Variants in SLC16A12 observed in about 807,000 individuals in gnomAD.
SLC16A12 encodes monocarboxylate transporter 12.
In SLC16A12, 17 loss-of-function variants were observed where a neutral mutation model predicts 42.4. The observed-to-expected ratio is 0.40, with a 90% CI of 0.27 to 0.60. The LOEUF (loss-of-function observed/expected upper bound fraction) is 0.60, where lower values mean the gene tolerates loss of function less well. Among genes scored for constraint, SLC16A12 ranks in the 20% least tolerant of loss-of-function variants. The pLI is 0.42. For synonymous variants in SLC16A12, 224 were observed against 229.4 expected, an observed-to-expected ratio of 0.98 and a Z score of 0.21; for missense variants, 544 against 623.0, an observed-to-expected ratio of 0.87 and a Z score of 1.35.
At chr10:89,448,785 G>T (rs1300277277) in intron 3 of SLC16A12, among the ~76,000 whole-genome samples, 1 of 152,148 alleles carries the variant, frequency 6.6e-6, no homozygotes, top group African/African-American at 2.4e-5. Flanking sequence ...AGAAATAAAC[G>T]TTATTCAATT....
At chr10:89,437,104 G>C (rs915117404) in intron 6 of SLC16A12, among the ~76,000 whole-genome samples, 5 of 152,164 alleles carry the variant, frequency 3.3e-5, no homozygotes, top group Non-Finnish European at 7.3e-5. Flanking sequence ...GTTATCCATT[G>C]GTATCTGGCA....
At chr10:89,548,426 A>G (rs1411406402) in intron 2 of SLC16A12, among the ~76,000 whole-genome samples, 1 of 152,166 alleles carries the variant, frequency 6.6e-6, no homozygotes, top group African/African-American at 2.4e-5. Flanking sequence ...TGCTTTGAAA[A>G]TGTTCTGTGC....
At chr10:89,510,496 A>G (rs962120661) in intron 2 of SLC16A12, among the ~76,000 whole-genome samples, 13 of 152,086 alleles carry the variant, frequency 8.5e-5, no homozygotes, top group African/African-American at 2.9e-4. Flanking sequence ...AGGATTCCCT[A>G]TTTAAATGGT....
intron 2 of SLC16A12, among the ~76,000 whole-genome samples, chr10:89,479,646 C>G (rs1177334120): frequency 6.6e-6 from 1 of 152,180 alleles, no homozygotes; most frequent in African/African-American, 2.4e-5. Flanking sequence ...CCAACTCCTA[C>G]CCCACGGAGT....
chr10:89,436,475 C>T lies in SLC16A12; in HGVS notation c.1029-156G>A, dbSNP rs566734207. On this transcript the variant is annotated intron_variant, in intron 6 of 7. Transcript: ENST00000371790. ...GCTGTCTTCCTATCTTTCTTTTTTG[C>T]AAATGCAAGAATTCATCTCTCCAGG... Among the ~76,000 whole-genome samples, 14 of 152,186 alleles carry T rather than the reference C, an allele frequency of 9.2e-5. No individual in the cohort carries two copies. In the East Asian group the frequency reaches 2.3e-3, roughly 25 times the overall value.
At chr10:89,461,990 T>C (rs1842307654) in intron 3 of SLC16A12, among the ~76,000 whole-genome samples, 1 of 152,204 alleles carries the variant, frequency 6.6e-6, no homozygotes, top group African/African-American at 2.4e-5. Flanking sequence ...CTGGAGCTGC[T>C]TATGAAAATG....
chr10:89,470,441 C>T (rs1467454556), intron 2 of SLC16A12, among the ~76,000 whole-genome samples: 6 of 152,230 alleles, frequency 3.9e-5, no homozygotes, highest in African/African-American at 1.4e-4. Flanking sequence ...GAAGACATAA[C>T]TTCAGGGGTC....
intron 7 of SLC16A12, among the ~76,000 whole-genome samples, chr10:89,435,687 C>T (rs1485888158): frequency 6.6e-6 from 1 of 152,184 alleles, no homozygotes; most frequent in Admixed American, 6.5e-5. Flanking sequence ...TAATTTCAGC[C>T]TCATCACCCA....
intron 2 of SLC16A12, among the ~76,000 whole-genome samples, chr10:89,465,153 A>G (rs1225817617): frequency 6.6e-6 from 1 of 152,240 alleles, no homozygotes; most frequent in Non-Finnish European, 1.5e-5. Flanking sequence ...CACTACAGAC[A>G]GCATCTCATT....
upstream of SLC16A12, among the ~76,000 whole-genome samples, chr10:89,540,496 TC>T (rs1295434808): frequency 1.3e-5 from 2 of 152,192 alleles, no homozygotes; most frequent in Non-Finnish European, 2.9e-5. Flanking sequence ...ATTTCCACTG[TC>T]CTTTCTTAAT....
intron 2 of SLC16A12, among the ~76,000 whole-genome samples, chr10:89,541,570 G>A (rs1843716210): frequency 6.6e-6 from 1 of 152,222 alleles, no homozygotes; most frequent in Non-Finnish European, 1.5e-5. Context: ...TTGGGCGACA[G>A]AACTAGACCC....
chr10:89,450,044 T>G (rs1291396671), intron 3 of SLC16A12, among the ~76,000 whole-genome samples: 1 of 152,018 alleles, frequency 6.6e-6, no homozygotes, highest in Non-Finnish European at 1.5e-5. Context: ...GAAATGCAAA[T>G]CAAAACCACA....
intron 3 of SLC16A12, among the ~76,000 whole-genome samples, chr10:89,461,719 T>C (rs946628930): frequency 6.6e-6 from 1 of 152,236 alleles, no homozygotes; most frequent in Non-Finnish European, 1.5e-5. Context: ...ATCATTAAGA[T>C]GACAGTTAAA....
At chr10:89,526,014 C>T (rs2133862192) in intron 2 of SLC16A12, among the ~76,000 whole-genome samples, 1 of 152,308 alleles carries the variant, frequency 6.6e-6, no homozygotes, top group African/African-American at 2.4e-5. Flanking sequence ...TCATTGTGCA[C>T]TTCAACCTGC....
At chr10:89,553,353 G>A (rs1843782905) in intron 2 of SLC16A12, among the ~76,000 whole-genome samples, 1 of 152,058 alleles carries the variant, frequency 6.6e-6, no homozygotes, top group Non-Finnish European at 1.5e-5. Context: ...GCCCCTCTCT[G>A]ACAATCAACA....
intron 2 of SLC16A12, among the ~76,000 whole-genome samples, chr10:89,489,518 T>G (rs1186427138): frequency 6.6e-6 from 1 of 152,054 alleles, no homozygotes; most frequent in Non-Finnish European, 1.5e-5. Context: ...TTTTGTGTGC[T>G]TTTTGTAGAG....
chr10:89,436,913 A>AG (rs1491217588), intron 6 of SLC16A12, among the ~76,000 whole-genome samples: 55 of 142,874 alleles, frequency 3.8e-4, no homozygotes, highest in African/African-American at 1.4e-3. Flanking sequence ...AGAAAGAAAG[A>AG]AAAAGAAAGA....
chr10:89,522,898 T>G (rs1002119676), intron 2 of SLC16A12, among the ~76,000 whole-genome samples: 1 of 152,238 alleles, frequency 6.6e-6, no homozygotes, highest in African/African-American at 2.4e-5. Flanking sequence ...AGCTATTATT[T>G]TGTAGACACA....
intron 6 of SLC16A12, among the ~76,000 whole-genome samples, chr10:89,437,663 T>A (rs1433465567): frequency 2.0e-5 from 3 of 152,166 alleles, no homozygotes; most frequent in Non-Finnish European, 4.4e-5. Flanking sequence ...GAATCAATAC[T>A]AAATATCATA....
Sources: gnomAD v4.1 joint callset for allele counts (sites outside exome capture counted in the v4.1 genomes callset) on GRCh38, gnomAD v4.1.1 for gene constraint, MANE v1.5 for transcripts, NCBI Gene and HGNC (gene_info 2026-07-23, HGNC 2026-07-21) for gene names.